Variants in STRIP2 observed in about 807,000 individuals in gnomAD.
STRIP2 encodes the protein striatin interacting protein 2, also known as striatin-interacting protein 2.
In STRIP2, 84 loss-of-function variants were observed where a neutral mutation model predicts 107.1. The ratio of observed to expected loss-of-function variants is 0.78; its 90% CI spans 0.66 to 0.94. The LOEUF is 0.94. Among genes scored for constraint, STRIP2 ranks in the 40% least tolerant of loss-of-function variants. The pLI is 0.00. For synonymous variants in STRIP2, 394 were observed against 400.4 expected, an observed-to-expected ratio of 0.98 and a Z score of 0.19; for missense variants, 888 against 1,034.2, an observed-to-expected ratio of 0.86 and a Z score of 1.94.
At chr7:129,450,918 C>CTTTTTTTTTTTTTTTTTT (rs758536953) in intron 3 of STRIP2, among the ~76,000 whole-genome samples, 1 of 54,470 alleles carries the variant, frequency 1.8e-5, no homozygotes, top group Non-Finnish European at 3.2e-5. Flanking sequence ...GAGAAAGGTC[C>CTTTTTTTTTTTTTTTTTT]TTTTTTTTTT....
chr7:129,477,728 A>G, intron 18 of STRIP2: 1 of 228,610 alleles, frequency 4.4e-6, no homozygotes, highest in Non-Finnish European at 8.7e-6. Context: ...GTGTTGGTAA[A>G]GAAAATCTAA....
intron 16 of STRIP2, among the ~76,000 whole-genome samples, chr7:129,466,610 C>G (rs967067333): frequency 6.6e-6 from 1 of 152,142 alleles, no homozygotes; most frequent in Non-Finnish European, 1.5e-5. Context: ...TGACACTGCT[C>G]TTATGGCCAC....
chr7:129,479,677 A>C (rs1021669315), intron 18 of STRIP2, among the ~76,000 whole-genome samples: 3 of 151,840 alleles, frequency 2.0e-5, no homozygotes, highest in Admixed American at 6.6e-5. Flanking sequence ...TTTTTAGTAG[A>C]AATGGAGTTT....
At chr7:129,459,259 C>A (rs1401345712) in intron 11 of STRIP2, among the ~76,000 whole-genome samples, 4 of 152,088 alleles carry the variant, frequency 2.6e-5, no homozygotes, top group African/African-American at 9.7e-5. Context: ...TAAGTAGGAA[C>A]CTACCACTCC....
intron 4 of STRIP2, among the ~76,000 whole-genome samples, chr7:129,452,201 T>C (rs1177435342): frequency 2.6e-5 from 4 of 152,092 alleles, no homozygotes; most frequent in African/African-American, 9.7e-5. Context: ...CCAACATAAC[T>C]GCGGGAGTGG....
At chr7:129,436,487 G>T (rs2150983443) in intron 1 of STRIP2, among the ~76,000 whole-genome samples, 1 of 152,296 alleles carries the variant, frequency 6.6e-6, no homozygotes, top group Non-Finnish European at 1.5e-5. Context: ...GTCTGCAGCT[G>T]CACTCTTCAT....
chr7:129,456,534 G>C lies in STRIP2; in HGVS notation c.930G>C (p.Val310=). The C allele has an allele frequency of 6.2e-7, 1 of 1,614,070 alleles. No individual in the cohort carries two copies. Among genetic ancestry groups the C allele is most frequent in the Non-Finnish European group, 8.5e-7 (1 of 1,180,008 alleles). The change falls in exon 9 of 21, where the codon GTG becomes GTC. Residue 310 remains valine, a synonymous_variant. Coordinates refer to ENST00000249344, the MANE Select transcript of STRIP2 (RefSeq NM_020704.3). ...CACTGGCTGAAGACAGTATCCAGGT[G>C]GTGAAGAGCATGCGTGCTGCCTCCC... The part of the protein sequence containing the change: ...LPPLAEDSIQ[V]VKSMRAASPP...
In STRIP2 at chr7:129,482,862, G is replaced by T; in HGVS notation, c.2070G>T (p.Ser690=). Residue 690 remains serine, a synonymous_variant, in exon 20 of 21, where the codon TCG becomes TCT. Transcript: ENST00000249344. The part of the protein sequence containing the change: ...SRTMMLVVFK[S]APILKRALKV... ...AACAGATGCTGGTAGTGTTTAAATC[G>T]GCACCAATCTTAAAGCGGGCCCTCA... 6.2e-7 allele frequency: 1 copy of T among 1,613,936 alleles called. No individual in the cohort carries two copies. The highest frequency in any genetic ancestry group is 8.5e-7 in the Non-Finnish European group (1 of 1,179,974).
Position 129,451,599 on chromosome 7 carries a change from C to T in STRIP2, c.275-14C>T, listed in dbSNP as rs1241377930. 6.2e-7 allele frequency: 1 copy of T among 1,613,664 alleles called. No homozygotes were observed. The highest frequency in any genetic ancestry group is 8.5e-7 in the Non-Finnish European group (1 of 1,179,860). On this transcript the variant is annotated splice_polypyrimidine_tract_variant and intron_variant, in intron 3 of 20. Transcript: ENST00000249344. ...AATAGCTGACACTGGATGTATATGG[C>T]CTTTTATTCCCAGTGCAGGGCAAGG...
rs10558220 is a variant in STRIP2, at chr7:129,479,274, C to CAA, written c.1945-1496_1945-1495dup. On this transcript the variant is annotated intron_variant, in intron 18 of 20. Coordinates refer to ENST00000249344, the MANE Select transcript of STRIP2 (RefSeq NM_020704.3). ...GGGCAACAAAAGCAAAACTCTGTCT[C>CAA]AAAAAAAAAAAAAAAATGTAAAAGT... 3.1e-3 allele frequency among the ~76,000 whole-genome samples: 422 copies of CAA among 135,772 alleles called. 3 individuals carry two copies. The highest frequency in any genetic ancestry group is 0.011 in the African/African-American group (408 of 36,626). The allele number at this position is 135,772 out of a possible 152,430, so 89.1% of individuals were successfully genotyped here. A position where few individuals can be genotyped will look rare whatever the true frequency, so the allele number is the denominator to read the frequency against.
At chr7:129,453,855 A>T (rs1434240572) in intron 5 of STRIP2, among the ~76,000 whole-genome samples, 5 of 152,154 alleles carry the variant, frequency 3.3e-5, no homozygotes, top group South Asian at 4.1e-4. Context: ...CTTATTATTC[A>T]TCAGGTGTTT....
intron 1 of STRIP2, among the ~76,000 whole-genome samples, chr7:129,435,097 C>T (rs1186265117): frequency 6.6e-6 from 1 of 152,158 alleles, no homozygotes; most frequent in African/African-American, 2.4e-5. Flanking sequence ...TCTGCCCGTT[C>T]CCTGCCCGTC....
At chr7:129,479,286 A>C (rs914804541) in intron 18 of STRIP2, among the ~76,000 whole-genome samples, 1 of 151,896 alleles carries the variant, frequency 6.6e-6, no homozygotes, top group Non-Finnish European at 1.5e-5. Flanking sequence ...AAAAAAAAAA[A>C]AAAATGTAAA....
chr7:129,460,563 A>G (rs993632563), intron 13 of STRIP2, 191 bp downstream of exon 13: 4 of 589,614 alleles, frequency 6.8e-6, no homozygotes, highest in African/African-American at 1.9e-5. Flanking sequence ...TAAGTAAACC[A>G]AACTATCAGA....
At chr7:129,467,846 A>T (rs1030886142) in intron 17 of STRIP2, among the ~76,000 whole-genome samples, 1 of 152,208 alleles carries the variant, frequency 6.6e-6, no homozygotes, top group Non-Finnish European at 1.5e-5. Context: ...AATGTATTAT[A>T]CAAAATTTGT....
intron 19 of STRIP2, among the ~76,000 whole-genome samples, chr7:129,481,943 G>A (rs1485521943): frequency 6.6e-6 from 1 of 151,966 alleles, no homozygotes; most frequent in Non-Finnish European, 1.5e-5. Flanking sequence ...CAAGGTGGGA[G>A]GATCACTTGA....
intron 18 of STRIP2, among the ~76,000 whole-genome samples, chr7:129,478,938 C>T (rs1326013175): frequency 1.3e-5 from 2 of 152,146 alleles, no homozygotes. Context: ...TAGAAATACA[C>T]TTACTTATCC....
chr7:129,452,193 A>G (rs570933028), intron 4 of STRIP2, among the ~76,000 whole-genome samples: 2 of 152,294 alleles, frequency 1.3e-5, no homozygotes, highest in African/African-American at 4.8e-5. Context: ...AGTTCAAGCC[A>G]ACATAACTGC....
chr7:129,480,837 A>G lies in STRIP2; in HGVS notation c.1997A>G (p.Asn666Ser), dbSNP rs564669303. Residue 666 changes from asparagine (N) to serine (S), a missense_variant, in exon 19 of 21, where the codon AAC (asparagine) becomes AGC (serine). Coordinates refer to ENST00000249344, the MANE Select transcript of STRIP2 (RefSeq NM_020704.3). ...TGGAGGAACCTCTTTTCCTGCATCA[A>G]CCTCCTGAGGCTGCTCAATAAACTG... The part of the protein sequence containing the change: ...FCWRNLFSCI[N>S]LLRLLNKLTK... The G allele has an allele frequency of 5.6e-5, 91 of 1,613,860 alleles. No individual in the cohort carries two copies. The South Asian group carries it at 8.6e-4, about 15-fold the overall frequency.
Sources: allele counts gnomAD v4.1 joint callset (sites outside exome capture counted in the v4.1 genomes callset), GRCh38; gene constraint gnomAD v4.1.1; transcripts MANE v1.5; gene names NCBI Gene and HGNC (gene_info 2026-07-23, HGNC 2026-07-21).